Variants in ACYP1 observed in about 807,000 individuals in gnomAD.
ACYP1 encodes acylphosphatase-1.
In ACYP1, 8 loss-of-function variants were observed where a neutral mutation model predicts 10.4. That is an observed-to-expected ratio of 0.77 (90% CI 0.45 to 1.38). ACYP1 has a LOEUF of 1.38. Ranked by LOEUF, ACYP1 falls within the 40% of genes most tolerant of loss-of-function variation. The probability of loss-of-function intolerance (pLI) is 0.00; values close to 1 mark genes in which losing one functional copy is unlikely to be tolerated. For synonymous variants in ACYP1, 38 were observed against 40.8 expected (o/e 0.93, Z 0.26); for missense variants, 93 against 117.3 (o/e 0.79, Z 0.96).
upstream of ACYP1, among the ~76,000 whole-genome samples, chr14:75,064,864 C>T (rs10438026): frequency 0.027 from 4,163 of 152,242 alleles, 216 homozygotes; most frequent in African/African-American, 0.095. Context: ...TAGGGGATTA[C>T]GGGGCATAAG....
upstream of ACYP1, among the ~76,000 whole-genome samples, chr14:75,067,721 G>C (rs900446990): frequency 2.0e-5 from 3 of 152,058 alleles, no homozygotes; most frequent in Admixed American, 6.6e-5. Flanking sequence ...ACAGGGTGCC[G>C]TCTCTCACGT....
upstream of ACYP1, among the ~76,000 whole-genome samples, chr14:75,068,176 AGC>A (rs1893186407): frequency 1.3e-5 from 2 of 152,084 alleles, no homozygotes; most frequent in Non-Finnish European, 2.9e-5. Flanking sequence ...CTGTAATCTC[AGC>A]TACTCGGGAG....
At chr14:75,054,200 G>A (rs371929694) in intron 2 of ACYP1, among the ~76,000 whole-genome samples, 4 of 152,176 alleles carry the variant, frequency 2.6e-5, no homozygotes, top group African/African-American at 7.2e-5. Context: ...TGTTCTTACT[G>A]TAGTGAAACT....
intron 2 of ACYP1, among the ~76,000 whole-genome samples, chr14:75,058,552 G>A (rs1468110678): frequency 1.3e-4 from 19 of 151,210 alleles, no homozygotes. Context: ...CTACTCATGA[G>A]GGACCTGGCC....
intron 2 of ACYP1, among the ~76,000 whole-genome samples, chr14:75,054,890 C>T (rs945204451): frequency 6.6e-6 from 1 of 151,310 alleles, no homozygotes; most frequent in Admixed American, 6.6e-5. Flanking sequence ...AGTAAGACTC[C>T]GCATCCAACT....
rs769312151 is a variant in ACYP1, at chr14:75,057,964, C to CAAAAAAAAAAAAAAAAAAAAA, written c.85-4326_85-4306dup. Reference sequence around the variant, plus strand: ...TAGGCAACAGAGCAAGACTCTGTCTCAAAAAAAAAAAAAAAAAAAAAAAAG... The same window carrying CAAAAAAAAAAAAAAAAAAAAA: ...TAGGCAACAGAGCAAGACTCTGTCTCAAAAAAAAAAAAAAAAAAAAAAAAAAAAAAAAAAAAAAAAAAAAAG... On this transcript the variant is annotated intron_variant, in intron 2 of 2. Transcript: ENST00000238618. Among the ~76,000 whole-genome samples, 3 of 38,804 alleles carry CAAAAAAAAAAAAAAAAAAAAA rather than the reference C, an allele frequency of 7.7e-5. 1 individual carries two copies. The highest frequency in any genetic ancestry group is 1.1e-4 in the African/African-American group (1 of 9,286). The allele number at this position is 38,804 out of a possible 152,430, so 25.5% of individuals were successfully genotyped here.
intron 1 of ACYP1, chr14:75,069,207 T>C (rs1194349483): frequency 2.0e-6 from 3 of 1,516,110 alleles, no homozygotes; most frequent in Non-Finnish European, 2.6e-6. Flanking sequence ...CGTGCAGCCA[T>C]ACCTGGGGCC....
chr14:75,060,344 G>A (rs758004044), intron 2 of ACYP1: 5 of 609,774 alleles, frequency 8.2e-6, no homozygotes, highest in Non-Finnish European at 1.2e-5. Flanking sequence ...AACCATTGTT[G>A]GCAAGGATGT....
At chr14:75,056,929 T>C (rs1466873085) in intron 2 of ACYP1, among the ~76,000 whole-genome samples, 2 of 151,584 alleles carry the variant, frequency 1.3e-5, no homozygotes, top group African/African-American at 4.9e-5. Flanking sequence ...TGGTGAAAGA[T>C]TAAAAACGTT....
exon 1 of ACYP1, chr14:75,069,463 G>A: frequency 1.9e-6 from 1 of 531,612 alleles, no homozygotes; most frequent in Non-Finnish European, 3.2e-6. Context: ...GGGCTGGACC[G>A]AGCTGCAGAG....
At chr14:75,063,262 T>C in intron 2 of ACYP1, 1 of 556,462 alleles carries the variant, frequency 1.8e-6, no homozygotes, top group African/African-American at 1.9e-5. Context: ...CAGGCACCAC[T>C]GACTAATAAT....
In ACYP1 at chr14:75,057,364, G is replaced by A. The variant is rs1264203170; in HGVS notation, c.85-3705C>T. ...GAAATTAAAGAGTATCTAAATAAAT[G>A]GAAAGACATCCCTTACTGATGTATT... On this transcript the variant is annotated intron_variant, in intron 2 of 2. Transcript: ENST00000238618. Among the ~76,000 whole-genome samples the A allele has an allele frequency of 2.0e-5, 3 of 151,370 alleles. 1 individual carries two copies. Among genetic ancestry groups the A allele is most frequent in the African/African-American group, 7.3e-5 (3 of 40,864 alleles).
chr14:75,061,692 CTGG>C, intron 2 of ACYP1: 1 of 1,589,740 alleles, frequency 6.3e-7, no homozygotes, highest in Admixed American at 1.7e-5. Context: ...ACCTGCATAA[CTGG>C]TAGCAAAGCT....
At chr14:75,061,276 T>C (rs528354573) in intron 2 of ACYP1, among the ~76,000 whole-genome samples, 12 of 152,288 alleles carry the variant, frequency 7.9e-5, no homozygotes, top group South Asian at 6.2e-4. Context: ...TTATACACTT[T>C]AGGAGGATGG....
At position 75,057,964 on chromosome 14, in the gene ACYP1, CAAAAAAAAAAAA is replaced by C. The variant is rs769312151; in HGVS notation, c.85-4317_85-4306del. On this transcript the variant is annotated intron_variant, in intron 2 of 2. Transcript: ENST00000238618. ...TAGGCAACAGAGCAAGACTCTGTCTCAAAAAAAAAAAAAAAAAAAAAAAAGAACTACCTGCTG... is the reference window on the plus strand; with the variant it reads ...TAGGCAACAGAGCAAGACTCTGTCTCAAAAAAAAAAAAGAACTACCTGCTG... 7.7e-5 allele frequency among the ~76,000 whole-genome samples: 3 copies of C among 38,808 alleles called. No homozygotes were observed. In the South Asian group the frequency reaches 7.5e-3, roughly 98 times the overall value. The allele number at this position is 38,808 out of a possible 152,430, so 25.5% of individuals were successfully genotyped here. A position where few individuals can be genotyped will look rare whatever the true frequency, so the allele number is the denominator to read the frequency against.
At chr14:75,064,073 C>T (rs1249845641), upstream of ACYP1, 2 of 981,452 alleles carry the variant, frequency 2.0e-6, no homozygotes, top group Non-Finnish European at 2.4e-6. Context: ...TTCGCTGTCG[C>T]TCATGCCCAT....
At chr14:75,061,282 G>T (rs1893009774) in intron 2 of ACYP1, among the ~76,000 whole-genome samples, 1 of 152,148 alleles carries the variant, frequency 6.6e-6, no homozygotes, top group Non-Finnish European at 1.5e-5. Context: ...ACTTTAGGAG[G>T]ATGGGTTTTA....
chr14:75,064,076 A>G, upstream of ACYP1: 2 of 978,926 alleles, frequency 2.0e-6, no homozygotes, highest in Non-Finnish European at 1.2e-6. Context: ...GCTGTCGCTC[A>G]TGCCCATCAC....
At chr14:75,062,659 C>CAAAAAA (rs534860020) in intron 2 of ACYP1, among the ~76,000 whole-genome samples, 1,141 of 102,738 alleles carry the variant, frequency 0.011, no homozygotes, top group Non-Finnish European at 0.014. Flanking sequence ...ACTAAAAATA[C>CAAAAAA]AAAAAAAAAA....
Sources: allele counts gnomAD v4.1 joint callset (sites outside exome capture counted in the v4.1 genomes callset), GRCh38; gene constraint gnomAD v4.1.1; transcripts MANE v1.5; gene names NCBI Gene and HGNC (gene_info 2026-07-23, HGNC 2026-07-21).